Variants in EXPH5 observed in about 807,000 individuals in gnomAD.
The protein encoded by EXPH5 is exophilin 5, also known as exophilin-5.
In EXPH5, 42 loss-of-function variants were observed where a neutral mutation model predicts 41.1. The ratio of observed to expected loss-of-function variants is 1.02; its 90% CI spans 0.80 to 1.32. The LOEUF (loss-of-function observed/expected upper bound fraction) is 1.32. Ranked by LOEUF, EXPH5 falls within the 40% of genes most tolerant of loss-of-function variation. EXPH5 has a pLI of 0.00. For missense variants in EXPH5, 2,298 were observed against 2,314.5 expected, an observed-to-expected ratio of 0.99 and a Z score of 0.15; for synonymous variants, 798 against 833.5, an observed-to-expected ratio of 0.96 and a Z score of 0.73.
At chr11:108,563,442 C>T (rs559047815) in intron 1 of EXPH5, among the ~76,000 whole-genome samples, 41 of 152,068 alleles carry the variant, frequency 2.7e-4, no homozygotes, top group African/African-American at 9.2e-4. Context: ...GGTGAATAAA[C>T]CTGAGTAGAA....
In EXPH5 at chr11:108,511,903, C is replaced by T. The variant is rs747521707; in HGVS notation, c.3604G>A (p.Val1202Ile). The change falls in exon 6 of 6, where the codon GTA becomes ATA. Residue 1202 changes from valine (V) to isoleucine (I), a missense_variant. By Grantham distance (29) the Val-to-Ile change is conservative. Coordinates refer to ENST00000265843, the MANE Select transcript of EXPH5 (RefSeq NM_015065.3). Reference sequence around the variant, plus strand: ...GGGTCTTCATTTGAAAGAGCAAATACACTTCTCCTGGAGGCAGCCATTTTA... The same window carrying T: ...GGGTCTTCATTTGAAAGAGCAAATATACTTCTCCTGGAGGCAGCCATTTTA... ...EGKMAASRRSVFALSNEDPLP... is the reference protein window; with the variant it reads ...EGKMAASRRSIFALSNEDPLP... 11 of 1,592,294 alleles carry T rather than the reference C, an allele frequency of 6.9e-6. No homozygotes were observed. The Admixed American group carries it at 1.7e-4, about 24-fold the overall frequency.
intron 1 of EXPH5, among the ~76,000 whole-genome samples, chr11:108,554,989 A>G (rs949312861): frequency 6.6e-6 from 1 of 152,200 alleles, no homozygotes; most frequent in African/African-American, 2.4e-5. Flanking sequence ...AGAAACTCAA[A>G]AGCATCAGCT....
intron 3 of EXPH5, among the ~76,000 whole-genome samples, chr11:108,534,446 C>A (rs1354070173): frequency 6.6e-6 from 1 of 152,184 alleles, no homozygotes; most frequent in African/African-American, 2.4e-5. Flanking sequence ...ACCTCTCCTG[C>A]CCCATCCCTT....
intron 5 of EXPH5, 81 bp downstream of exon 5, chr11:108,518,154 G>A: frequency 6.4e-6 from 8 of 1,252,674 alleles, no homozygotes; most frequent in Non-Finnish European, 9.1e-6. Context: ...CATATGTTTT[G>A]AGTAGTTTGA....
intron 1 of EXPH5, among the ~76,000 whole-genome samples, chr11:108,576,996 T>A (rs2094081884): frequency 6.6e-6 from 1 of 152,228 alleles, no homozygotes; most frequent in Non-Finnish European, 1.5e-5. Context: ...TGTATTTCTG[T>A]ACTAGGCTTA....
intron 1 of EXPH5, among the ~76,000 whole-genome samples, chr11:108,589,250 A>G (rs537112117): frequency 1.5e-4 from 23 of 152,346 alleles, no homozygotes; most frequent in African/African-American, 5.5e-4. Flanking sequence ...CCCAATCAGT[A>G]GACATCCAAT....
At position 108,581,925 on chromosome 11, in the gene EXPH5, G is replaced by A. The variant is rs187985479; in HGVS notation, c.119+11493C>T. On this transcript the variant is annotated intron_variant, in intron 1 of 5. Coordinates refer to ENST00000265843, the MANE Select transcript of EXPH5 (RefSeq NM_015065.3). ...AATAGATCCATTTCTCAAAAAACAC[G>A]CACTGTCAAACTCACTCATGATGAA... 3.3e-5 allele frequency among the ~76,000 whole-genome samples: 5 copies of A among 152,072 alleles called. No individual in the cohort carries two copies. The East Asian group carries it at 7.7e-4, about 23-fold the overall frequency.
rs1473417653 is a variant in EXPH5, at chr11:108,513,659, T to A, written c.1848A>T (p.Ser616=). Residue 616 remains serine, a synonymous_variant, in exon 6 of 6, where the codon TCA becomes TCT. Transcript: ENST00000265843. ...VEVHINKEAS[S]FGIAQTLASS... is the part of the protein sequence containing the mutation. Reference sequence around the variant, plus strand: ...ATGCTAGAGTCTGAGCAATTCCAAATGAGGAAGCTTCTTTGTTTATATGTA... The same window carrying A: ...ATGCTAGAGTCTGAGCAATTCCAAAAGAGGAAGCTTCTTTGTTTATATGTA... The A allele has an allele frequency of 6.2e-7, 1 of 1,611,410 alleles. No individual in the cohort carries two copies. The highest frequency in any genetic ancestry group is 2.2e-5 in the East Asian group (1 of 44,882).
Position 108,509,478 on chromosome 11 carries a change from C to A in EXPH5, c.*59G>T, listed in dbSNP as rs890266742. 2.1e-6 allele frequency: 3 copies of A among 1,456,916 alleles called. No homozygotes were observed. The highest frequency in any genetic ancestry group is 2.8e-6 in the Non-Finnish European group (3 of 1,085,386). 90.2% of individuals were successfully genotyped at this position (1,456,916 alleles called of 1,614,324 possible). A position where few individuals can be genotyped will look rare whatever the true frequency, so the allele number is the denominator to read the frequency against. Reference sequence around the variant, plus strand: ...ATCCTTCCATGCACATGCACATGTACACCTTAGTTCCATTATAAGCTTTTG... The same window carrying A: ...ATCCTTCCATGCACATGCACATGTAAACCTTAGTTCCATTATAAGCTTTTG... On this transcript the variant is annotated 3_prime_UTR_variant, in exon 6 of 6. Coordinates refer to ENST00000265843, the MANE Select transcript of EXPH5 (RefSeq NM_015065.3).
At chr11:108,545,678 G>A (rs1170908237) in intron 1 of EXPH5, among the ~76,000 whole-genome samples, 1 of 152,032 alleles carries the variant, frequency 6.6e-6, no homozygotes, top group African/African-American at 2.4e-5. Flanking sequence ...CAAGGTGGGA[G>A]GATCAATTGA....
chr11:108,511,499 A>G lies in EXPH5; in HGVS notation c.4008T>C (p.Asn1336=), dbSNP rs995104545. 3.1e-6 allele frequency: 5 copies of G among 1,591,370 alleles called. No individual in the cohort carries two copies. The highest frequency in any genetic ancestry group is 1.4e-5 in the African/African-American group (1 of 73,626). The change falls in exon 6 of 6, where the codon AAT becomes AAC. Residue 1336 remains asparagine (N), a synonymous_variant. Transcript: ENST00000265843. ...GTAATGTAGGAGCTAGGGGCCCCCTATTTGATAATCGGAAGGCAGTCATAT... is the reference window on the plus strand; with the variant it reads ...GTAATGTAGGAGCTAGGGGCCCCCTGTTTGATAATCGGAAGGCAGTCATAT... ...TENMTAFRLS[N]RGPLAPTLQE... is the part of the protein sequence containing the mutation.
chr11:108,555,679 C>T (rs1197145793), intron 1 of EXPH5, among the ~76,000 whole-genome samples: 3 of 152,094 alleles, frequency 2.0e-5, no homozygotes, highest in South Asian at 4.2e-4. Flanking sequence ...ATCATGGGGG[C>T]GGTTTCCCTA....
intron 1 of EXPH5, among the ~76,000 whole-genome samples, chr11:108,578,356 T>C (rs2094086623): frequency 6.6e-6 from 1 of 152,182 alleles, no homozygotes; most frequent in Non-Finnish European, 1.5e-5. Flanking sequence ...AATGTGGATT[T>C]ATTTCTGAGT....
intron 3 of EXPH5, among the ~76,000 whole-genome samples, chr11:108,528,990 G>A (rs1262367510): frequency 6.6e-6 from 1 of 151,520 alleles, no homozygotes; most frequent in Non-Finnish European, 1.5e-5. Context: ...GGTGTGAGCC[G>A]TGGTGCCTGG....
At chr11:108,573,198 A>AAGAAAGAAAGAAAGAAAAAG (rs1456627760) in intron 1 of EXPH5, among the ~76,000 whole-genome samples, 8 of 108,222 alleles carry the variant, frequency 7.4e-5, no homozygotes, top group African/African-American at 2.9e-4. Flanking sequence ...GAAAGAAAGA[A>AAGAAAGAAAGAAAGAAAAAG]AAAGAAAGAA....
chr11:108,532,664 C>T (rs541396450), intron 3 of EXPH5, among the ~76,000 whole-genome samples: 87 of 152,040 alleles, frequency 5.7e-4, no homozygotes, highest in African/African-American at 2.0e-3. Flanking sequence ...AAACGAAAAA[C>T]AAAAACAAAC....
chr11:108,607,195 C>G, the EXPH5 span, among the ~76,000 whole-genome samples: 1 of 152,108 alleles, frequency 6.6e-6, no homozygotes, highest in Non-Finnish European at 1.5e-5. Flanking sequence ...ACTCACATGC[C>G]TTGAAAAGCT....
intron 1 of EXPH5, among the ~76,000 whole-genome samples, chr11:108,542,846 G>A (rs968716619): frequency 1.3e-5 from 2 of 152,090 alleles, no homozygotes; most frequent in African/African-American, 4.8e-5. Flanking sequence ...AGCCTCCTGA[G>A]TAGCTGGGAT....
At position 108,514,220 on chromosome 11, in the gene EXPH5, T is replaced by A; in HGVS notation, c.1287A>T (p.Leu429Phe). 1.2e-6 allele frequency: 2 copies of A among 1,614,260 alleles called. No homozygotes were observed. The highest frequency in any genetic ancestry group is 1.7e-6 in the Non-Finnish European group (2 of 1,180,050). The change falls in exon 6 of 6, where the codon TTA (leucine) becomes TTT (phenylalanine). Residue 429 changes from leucine to phenylalanine, a missense_variant. By Grantham distance (22) the Leu-to-Phe change is conservative. Coordinates refer to ENST00000265843, the MANE Select transcript of EXPH5 (RefSeq NM_015065.3). Reference sequence around the variant, plus strand: ...TCATTGCATTCTCCATGGGAGCATTTAAACTAACACGTTGGTAAACATTCT... The same window carrying A: ...TCATTGCATTCTCCATGGGAGCATTAAAACTAACACGTTGGTAAACATTCT... Reference protein sequence around the residue: ...HSQNVYQRVSLNAPMENAMSP... With the variant: ...HSQNVYQRVSFNAPMENAMSP...
Sources: gnomAD v4.1 joint callset for allele counts (sites outside exome capture counted in the v4.1 genomes callset) on GRCh38, gnomAD v4.1.1 for gene constraint, MANE v1.5 for transcripts, NCBI Gene and HGNC (gene_info 2026-07-23, HGNC 2026-07-21) for gene names.